CACNA1D: variants seen among roughly 807,000 people sequenced by gnomAD.
CACNA1D encodes the protein calcium voltage-gated channel subunit alpha1 D.
Under a neutral mutation model 257.1 loss-of-function variants are expected in CACNA1D, and 55 were observed. The observed-to-expected ratio is 0.21, with a 90% CI of 0.17 to 0.27. The LOEUF (loss-of-function observed/expected upper bound fraction) is 0.27, where lower values mean the gene tolerates loss of function less well. Ranked by LOEUF, CACNA1D falls within the 10% of genes least tolerant of loss-of-function variation. The pLI, the probability that CACNA1D is intolerant of heterozygous loss-of-function variation, is 1.00. For missense variants in CACNA1D, 1,876 were observed against 2,784.0 expected, an observed-to-expected ratio of 0.67 and a Z score of 7.34; for synonymous variants, 980 against 1,014.9, an observed-to-expected ratio of 0.97 and a Z score of 0.65.
intron 2 of CACNA1D, 103 bp from the exon 3 acceptor site, chr3:53,501,512 A>G (rs2090603576): frequency 1.4e-6 from 1 of 712,900 alleles, no homozygotes; most frequent in Non-Finnish European, 2.5e-6. Flanking sequence ...TGTGTATGTC[A>G]TTTTCCTTTT....
At chr3:53,769,597 G>A (rs1376322845) in intron 30 of CACNA1D, among the ~76,000 whole-genome samples, 1 of 152,226 alleles carries the variant, frequency 6.6e-6, no homozygotes, top group Non-Finnish European at 1.5e-5. Context: ...GGGCTAGGAG[G>A]CCTGCTGCAG....
chr3:53,525,043 T>C (rs991290031), intron 3 of CACNA1D, among the ~76,000 whole-genome samples: 1 of 152,120 alleles, frequency 6.6e-6, no homozygotes, highest in Non-Finnish European at 1.5e-5. Context: ...ACTCTCTCCT[T>C]CATGTATGTG....
chr3:53,752,938 A>G (rs746921471), intron 28 of CACNA1D, among the ~76,000 whole-genome samples: 4 of 152,232 alleles, frequency 2.6e-5, no homozygotes, highest in Non-Finnish European at 5.9e-5. Context: ...AATGTTTTCA[A>G]AAGTTACATT....
In CACNA1D at chr3:53,800,442, T is replaced by A. The variant is rs1446290960; in HGVS notation, c.5040+77T>A. On this transcript the variant is annotated intron_variant, in intron 41 of 47. Coordinates refer to ENST00000350061, the MANE Select transcript of CACNA1D (RefSeq NM_001128840.3). This position sits in a 1 kb window ranked among gnomAD's most constrained non-coding sequence, Gnocchi z 4.3. ...GGACTCCAGTTTGGGCAGTTAATCA[T>A]CCACAGAAGAGTCTGGAGAATGCAG... is the stretch of plus-strand genomic sequence containing the variant. The A allele has an allele frequency of 1.0e-6, 1 of 982,496 alleles. No homozygotes were observed. Among genetic ancestry groups the A allele is most frequent in the South Asian group, 1.3e-5 (1 of 78,098 alleles). 60.9% of individuals were successfully genotyped at this position (982,496 alleles called of 1,614,324 possible). A position where few individuals can be genotyped will look rare whatever the true frequency, so the allele number is the denominator to read the frequency against.
rs149961153 is a variant in CACNA1D, at chr3:53,732,397, G to A, written c.2473+315G>A. Among the ~76,000 whole-genome samples the A allele has an allele frequency of 2.7e-3, 412 of 152,312 alleles. 1 individual carries two copies. Among genetic ancestry groups the A allele is most frequent in the African/African-American group, 9.8e-3 (406 of 41,568 alleles). On this transcript the variant is annotated intron_variant, in intron 18 of 47. Transcript: ENST00000350061. ...TTATATTTGACTGGCACATTTATTG[G>A]CTGATGTGGGTGGGACTGTGGAGTT... is the stretch of plus-strand genomic sequence containing the variant.
At chr3:53,567,974 G>A (rs982118925) in intron 3 of CACNA1D, among the ~76,000 whole-genome samples, 5 of 152,166 alleles carry the variant, frequency 3.3e-5, no homozygotes, top group Non-Finnish European at 7.3e-5. Flanking sequence ...ACTAGGCTGC[G>A]GGGGTTAGAA....
chr3:53,582,048 G>A (rs568918625), intron 3 of CACNA1D, among the ~76,000 whole-genome samples: 194 of 152,158 alleles, frequency 1.3e-3, no homozygotes, highest in African/African-American at 2.4e-3. Flanking sequence ...CAGATCCCAC[G>A]CCCTTACTTA....
rs995852916 is a variant in CACNA1D at position 53,650,690 on chromosome 3, G to T, written c.484-89G>T. 252 of 1,299,818 alleles carry T rather than the reference G, an allele frequency of 1.9e-4. No individual in the cohort carries two copies. The Admixed American group carries it at 4.2e-3, about 22-fold the overall frequency. The allele number at this position is 1,299,818 out of a possible 1,614,324, so 80.5% of individuals were successfully genotyped here. A position where few individuals can be genotyped will look rare whatever the true frequency, so the allele number is the denominator to read the frequency against. On this transcript the variant is annotated intron_variant, in intron 3 of 47. Coordinates refer to ENST00000350061, the MANE Select transcript of CACNA1D (RefSeq NM_001128840.3). Reference sequence around the variant, plus strand: ...GGAGGGAAATGCTTATATGTCTAAGGTGTTGATTCTAATCTCTGTTCCTTT... The same window carrying T: ...GGAGGGAAATGCTTATATGTCTAAGTTGTTGATTCTAATCTCTGTTCCTTT...
chr3:53,795,135 G>A (rs1279259875), intron 40 of CACNA1D, among the ~76,000 whole-genome samples: 1 of 152,230 alleles, frequency 6.6e-6, no homozygotes, highest in Non-Finnish European at 1.5e-5. Flanking sequence ...GTGATGGTCT[G>A]AATCAGGGCA....
intron 3 of CACNA1D, among the ~76,000 whole-genome samples, chr3:53,516,266 A>T (rs961523745): frequency 3.3e-5 from 5 of 151,928 alleles, no homozygotes; most frequent in African/African-American, 1.2e-4. Context: ...CTTTTCCTAT[A>T]CCCCCCTTGA....
intron 3 of CACNA1D, among the ~76,000 whole-genome samples, chr3:53,585,923 G>T (rs1011171095): frequency 1.3e-5 from 2 of 152,150 alleles, no homozygotes; most frequent in Non-Finnish European, 2.9e-5. Flanking sequence ...TTCAACACTG[G>T]CATACCACGG....
At chr3:53,743,371 G>A (rs2095135778) in intron 22 of CACNA1D, among the ~76,000 whole-genome samples, 2 of 152,200 alleles carry the variant, frequency 1.3e-5, no homozygotes, top group African/African-American at 4.8e-5. Flanking sequence ...TGAGGTGAAA[G>A]AAGTGTTGAC....
chr3:53,532,072 G>A (rs145941161), intron 3 of CACNA1D, among the ~76,000 whole-genome samples: 3 of 152,316 alleles, frequency 2.0e-5, no homozygotes, highest in African/African-American at 7.2e-5. Context: ...TAGCCAAGGG[G>A]AGGTGAGTGT....
chr3:53,785,410 C>T (rs2095447386), intron 39 of CACNA1D: 2 of 152,218 alleles, frequency 1.3e-5, no homozygotes, highest in Non-Finnish European at 2.9e-5. Flanking sequence ...CACTGAGTGG[C>T]TTCTGACAGG....
intron 3 of CACNA1D, among the ~76,000 whole-genome samples, chr3:53,637,546 C>G (rs1396207329): frequency 6.6e-6 from 1 of 152,148 alleles, no homozygotes; most frequent in East Asian, 1.9e-4. Context: ...ATATAATCCC[C>G]TAGTAACTCC....
At chr3:53,801,500 G>A (rs913702169) in intron 42 of CACNA1D, 75 bp downstream of exon 42, 11 of 1,583,848 alleles carry the variant, frequency 6.9e-6, no homozygotes, top group African/African-American at 6.7e-5. Context: ...GGAGCAAGGC[G>A]GGTCTGTGCT....
Position 53,800,586 on chromosome 3 carries a change from T to TC in CACNA1D, c.5040+225dup. 1.6e-6 allele frequency: 1 copy of TC among 607,954 alleles called. No homozygotes were observed. The highest frequency in any genetic ancestry group is 2.3e-5 in the Admixed American group (1 of 43,808). 37.7% of individuals were successfully genotyped at this position (607,954 alleles called of 1,614,324 possible). A position where few individuals can be genotyped will look rare whatever the true frequency, so the allele number is the denominator to read the frequency against. ...GCTCTTTCCCTGAGCTTACCCAGCT[T>TC]CCCCTCACTGCCTGCTTCTGAGGAG... is the stretch of plus-strand genomic sequence containing the variant. On this transcript the variant is annotated intron_variant, in intron 41 of 47. Transcript: ENST00000350061. The surrounding 1 kb of genome is among the most constrained non-coding windows in gnomAD (Gnocchi z 4.3).
At chr3:53,622,403 A>T (rs546533542) in intron 3 of CACNA1D, among the ~76,000 whole-genome samples, 2 of 152,252 alleles carry the variant, frequency 1.3e-5, no homozygotes, top group African/African-American at 4.8e-5. Flanking sequence ...ACAAATTATT[A>T]TAGCAACTTT....
intron 19 of CACNA1D, among the ~76,000 whole-genome samples, 199 bp from the exon 20 acceptor site, chr3:53,735,175 C>T (rs1477049325): frequency 1.3e-5 from 2 of 152,232 alleles, no homozygotes; most frequent in African/African-American, 4.8e-5. Context: ...ACACACCACC[C>T]ACAGTCCACA....
Sources: gnomAD v4.1 joint callset for allele counts (sites outside exome capture counted in the v4.1 genomes callset) on GRCh38, gnomAD v4.1.1 for gene constraint, Gnocchi (gnomAD v3.1) non-coding constraint, MANE v1.5 for transcripts, NCBI Gene and HGNC (gene_info 2026-07-23, HGNC 2026-07-21) for gene names.